The following SMAD9 variants were observed in gnomAD, a reference collection of about 807,000 sequenced individuals.
SMAD9 encodes MAD homolog 9.
In SMAD9, 36 loss-of-function variants were observed where a neutral mutation model predicts 46.1. The ratio of observed to expected loss-of-function variants is 0.78; its 90% CI spans 0.60 to 1.03. The LOEUF (loss-of-function observed/expected upper bound fraction) is 1.03. SMAD9 is among the 50% of genes least tolerant of loss of function. SMAD9 has a pLI of 0.00. For missense variants in SMAD9, 572 were observed against 599.8 expected (o/e 0.95, Z 0.48); for synonymous variants, 245 against 237.1 (o/e 1.03, Z -0.31).
In SMAD9 at chr13:36,852,039, A is replaced by T. The variant is rs979563717; in HGVS notation, c.1260+1380T>A. On this transcript the variant is annotated intron_variant, in intron 6 of 6. Coordinates refer to ENST00000379826, the MANE Select transcript of SMAD9 (RefSeq NM_001127217.3). The stretch of plus-strand genomic sequence containing the variant: ...CTAAAGCAACAGAACATTTGAAAAG[A>T]TTTCGAAGTTATTTGTTAATATAAC... The T allele has an allele frequency of 6.2e-6, 6 of 975,124 alleles. No individual in the cohort carries two copies. In the East Asian group the frequency reaches 5.7e-4, roughly 93 times the overall value. 60.4% of individuals were successfully genotyped at this position (975,124 alleles called of 1,614,324 possible).
chr13:36,893,664 C>G (rs1050544228), intron 1 of SMAD9, among the ~76,000 whole-genome samples: 2 of 151,432 alleles, frequency 1.3e-5, no homozygotes, highest in Admixed American at 6.6e-5. Flanking sequence ...TGAAAAACAG[C>G]AGAGCCTAGA....
intron 6 of SMAD9, among the ~76,000 whole-genome samples, chr13:36,850,527 C>T (rs533058189): frequency 3.4e-4 from 52 of 152,126 alleles, no homozygotes; most frequent in South Asian, 1.7e-3. Flanking sequence ...TACAGGCACG[C>T]GCCACCACGC....
intron 1 of SMAD9, among the ~76,000 whole-genome samples, chr13:36,908,613 T>C (rs949292163): frequency 3.3e-5 from 5 of 152,164 alleles, no homozygotes; most frequent in African/African-American, 9.7e-5. Flanking sequence ...AATATGAGAA[T>C]ATTTGAAGTT....
At chr13:36,896,334 T>C (rs2058528680) in intron 1 of SMAD9, among the ~76,000 whole-genome samples, 1 of 152,032 alleles carries the variant, frequency 6.6e-6, no homozygotes, top group African/African-American at 2.4e-5. Flanking sequence ...GGTCTCTTTA[T>C]GTTTCCTAGG....
chr13:36,875,302 A>G (rs2058335717), intron 2 of SMAD9, among the ~76,000 whole-genome samples: 1 of 152,262 alleles, frequency 6.6e-6, no homozygotes, highest in South Asian at 2.1e-4. Context: ...CTTTGACACC[A>G]TACATCTATC....
chr13:36,916,737 T>G (rs888552979), intron 1 of SMAD9, among the ~76,000 whole-genome samples: 2 of 150,194 alleles, frequency 1.3e-5, no homozygotes, highest in East Asian at 2.0e-4. Flanking sequence ...CAGGTAAGAG[T>G]TGAAAAGGCG....
chr13:36,864,512 C>T (rs1049876751), intron 5 of SMAD9, among the ~76,000 whole-genome samples: 12 of 152,174 alleles, frequency 7.9e-5, no homozygotes, highest in Admixed American at 3.9e-4. Context: ...CCCCTCCCCT[C>T]GACCCGTTTC....
intron 1 of SMAD9, among the ~76,000 whole-genome samples, chr13:36,911,096 G>A (rs901399372): frequency 3.9e-5 from 6 of 151,950 alleles, no homozygotes; most frequent in Non-Finnish European, 8.8e-5. Flanking sequence ...GCCTCAACCT[G>A]CCAGGCTCAA....
In SMAD9 at chr13:36,851,338, G is replaced by C. The variant is rs142466037; in HGVS notation, c.1260+2081C>G. ...CCTCTTCTTCTGCTCTTCCTCCAGG[G>C]GTCCCTGGGCCTAGCTCCATGTCTC... On this transcript the variant is annotated intron_variant, in intron 6 of 6. Coordinates refer to ENST00000379826, the MANE Select transcript of SMAD9 (RefSeq NM_001127217.3). Among the ~76,000 whole-genome samples, 476 of 152,096 alleles carry C rather than the reference G, an allele frequency of 3.1e-3. 6 individuals are homozygous for C. The highest frequency in any genetic ancestry group is 0.015 in the East Asian group (76 of 5,168).
chr13:36,872,806 G>T lies in SMAD9; in HGVS notation c.522C>A (p.Asn174Lys). ...SLHSEPLMPH[N>K]ATYPDSFQQP... is the part of the protein sequence containing the mutation. Reference sequence around the variant, plus strand: ...GCTGGAAAGAGTCAGGATAGGTGGCGTTGTGTGGCATGAGTGGCTCACTGT... The same window carrying T: ...GCTGGAAAGAGTCAGGATAGGTGGCTTTGTGTGGCATGAGTGGCTCACTGT... Residue 174 changes from asparagine to lysine, a missense_variant, in exon 3 of 7, where the codon AAC (asparagine) becomes AAA (lysine). Coordinates refer to ENST00000379826, the MANE Select transcript of SMAD9 (RefSeq NM_001127217.3). The T allele has an allele frequency of 6.2e-7, 1 of 1,614,112 alleles. No homozygotes were observed.
intron 2 of SMAD9, among the ~76,000 whole-genome samples, chr13:36,876,110 G>A (rs1208447507): frequency 3.9e-5 from 6 of 151,988 alleles, no homozygotes; most frequent in Non-Finnish European, 7.4e-5. Flanking sequence ...ATGACAGTGC[G>A]CTTACAGACA....
chr13:36,879,402 C>T lies in SMAD9; in HGVS notation c.288G>A (p.Trp96Ter). The change falls in exon 2 of 7, where the codon TGG (tryptophan) becomes TGA (stop). Residue 96 changes from tryptophan to a stop codon, truncating the protein, a stop_gained. Coordinates refer to ENST00000379826, the MANE Select transcript of SMAD9 (RefSeq NM_001127217.3). LOFTEE classifies it high-confidence loss of function. ...GLPHVIYCRV[W>*]RWPDLQSHHE... Reference sequence around the variant, plus strand: ...GGTGGGACTGCAGATCCGGCCAGCGCCACACGCGACAGTAAATCACATGGG... The same window carrying T: ...GGTGGGACTGCAGATCCGGCCAGCGTCACACGCGACAGTAAATCACATGGG... 2 of 1,614,088 alleles carry T rather than the reference C, an allele frequency of 1.2e-6. No individual in the cohort carries two copies. The highest frequency in any genetic ancestry group is 1.7e-6 in the Non-Finnish European group (2 of 1,180,044).
intron 1 of SMAD9, among the ~76,000 whole-genome samples, chr13:36,908,205 G>A (rs1036611362): frequency 6.6e-6 from 1 of 152,162 alleles, no homozygotes; most frequent in African/African-American, 2.4e-5. Flanking sequence ...CTTTTTTAAT[G>A]AGATCTGTTT....
intron 3 of SMAD9, among the ~76,000 whole-genome samples, chr13:36,869,907 C>A (rs1271221865): frequency 1.3e-5 from 2 of 151,866 alleles, no homozygotes; most frequent in Non-Finnish European, 2.9e-5. Context: ...ATATGAGAAA[C>A]CACTGAATTG....
chr13:36,879,029 G>A (rs1388227612), intron 2 of SMAD9, among the ~76,000 whole-genome samples: 1 of 152,106 alleles, frequency 6.6e-6, no homozygotes, highest in Non-Finnish European at 1.5e-5. Flanking sequence ...GATTCTCTTT[G>A]GATTGAGTGT....
intron 1 of SMAD9, among the ~76,000 whole-genome samples, chr13:36,912,007 C>T (rs114971777): frequency 0.023 from 3,545 of 152,222 alleles, 133 homozygotes; most frequent in African/African-American, 0.081. Flanking sequence ...CGCACCCAGT[C>T]GGGGAAGCTC....
At chr13:36,910,180 C>CA (rs1566042234) in intron 1 of SMAD9, among the ~76,000 whole-genome samples, 1 of 147,796 alleles carries the variant, frequency 6.8e-6, no homozygotes, top group Non-Finnish European at 1.5e-5. Context: ...GTGGGGGACA[C>CA]AGCGAGACTC....
intron 1 of SMAD9, among the ~76,000 whole-genome samples, chr13:36,905,187 G>C (rs2058609025): frequency 1.3e-5 from 2 of 152,156 alleles, no homozygotes; most frequent in Non-Finnish European, 2.9e-5. Flanking sequence ...GGACAGTCCT[G>C]AGAATGATCG....
chr13:36,849,275 T>TTCTCTCTCTC (rs10555873), intron 6 of SMAD9: 2 of 152,552 alleles, frequency 1.3e-5, no homozygotes, highest in African/African-American at 4.9e-5. Flanking sequence ...AGCTTGCTTA[T>TTCTCTCTCTC]TCTCTCTCTC....
Sources: gnomAD v4.1 joint callset for allele counts (sites outside exome capture counted in the v4.1 genomes callset) on GRCh38, gnomAD v4.1.1 for gene constraint, MANE v1.5 for transcripts, NCBI Gene and HGNC (gene_info 2026-07-23, HGNC 2026-07-21) for gene names.